Variants in KLHL29 observed in about 807,000 individuals in gnomAD.
KLHL29 encodes kelch-like protein 29.
Under a neutral mutation model 80.4 loss-of-function variants are expected in KLHL29, and 21 were observed. That is an observed-to-expected ratio of 0.26 (90% CI 0.19 to 0.38). KLHL29 has a LOEUF of 0.38. Ranked by LOEUF, KLHL29 falls within the 10% of genes least tolerant of loss-of-function variation. The pLI, the probability that KLHL29 is intolerant of heterozygous loss-of-function variation, is 1.00. For synonymous variants in KLHL29, 511 were observed against 526.8 expected (o/e 0.97, Z 0.41); for missense variants, 867 against 1,223.9 (o/e 0.71, Z 4.35).
At chr2:23,401,630 A>G (rs1029789030) in intron 1 of KLHL29, among the ~76,000 whole-genome samples, 1 of 152,158 alleles carries the variant, frequency 6.6e-6, no homozygotes, top group Non-Finnish European at 1.5e-5. Context: ...GCCCGCTCAC[A>G]TGTAGGCACA....
chr2:23,703,990 CT>C, intron 13 of KLHL29, 127 bp downstream of exon 13: 1 of 1,112,904 alleles, frequency 9.0e-7, no homozygotes, highest in South Asian at 1.6e-5. Context: ...GGCCCTCCCC[CT>C]CCAACCACAG....
chr2:23,469,544 T>C (rs556142292), intron 1 of KLHL29, among the ~76,000 whole-genome samples: 4 of 152,174 alleles, frequency 2.6e-5, no homozygotes, highest in Admixed American at 6.5e-5. Flanking sequence ...GAAGGAATTA[T>C]TGCAATTTAC....
At chr2:23,635,580 C>T (rs1669587121) in intron 3 of KLHL29, among the ~76,000 whole-genome samples, 1 of 152,240 alleles carries the variant, frequency 6.6e-6, no homozygotes, top group South Asian at 2.1e-4. Flanking sequence ...CTGTCAGCTG[C>T]CATAAAACTG....
intron 3 of KLHL29, among the ~76,000 whole-genome samples, chr2:23,571,544 T>A (rs765851857): frequency 3.3e-5 from 5 of 152,124 alleles, no homozygotes; most frequent in Non-Finnish European, 5.9e-5. Flanking sequence ...CTCCCAGTCA[T>A]TAGTTTAGGA....
chr2:23,593,529 C>T (rs1558401264), intron 3 of KLHL29, among the ~76,000 whole-genome samples: 1 of 152,156 alleles, frequency 6.6e-6, no homozygotes, highest in Non-Finnish European at 1.5e-5. Flanking sequence ...CCTTGGACAG[C>T]AGAATGTGTA....
At chr2:23,453,593 G>A (rs1663953130) in intron 1 of KLHL29, among the ~76,000 whole-genome samples, 1 of 152,214 alleles carries the variant, frequency 6.6e-6, no homozygotes, top group Non-Finnish European at 1.5e-5. Context: ...GCCCCAGGAT[G>A]CCCACTGAGC....
chr2:23,646,046 G>A (rs2149160985), intron 5 of KLHL29, among the ~76,000 whole-genome samples: 1 of 139,900 alleles, frequency 7.1e-6, no homozygotes, highest in South Asian at 2.2e-4. Context: ...CAAGCTGTAG[G>A]ATTTTTTTTT....
At chr2:23,470,545 G>T (rs1664469208) in intron 1 of KLHL29, among the ~76,000 whole-genome samples, 1 of 152,218 alleles carries the variant, frequency 6.6e-6, no homozygotes, top group Non-Finnish European at 1.5e-5. Context: ...ACAGGTAAAT[G>T]AGAAAATAAG....
chr2:23,482,820 C>T (rs60450667), intron 2 of KLHL29, among the ~76,000 whole-genome samples: 3,327 of 149,334 alleles, frequency 0.022, 103 homozygotes, highest in African/African-American at 0.071. Flanking sequence ...AGTGTTGCAA[C>T]GCTCACTCAT....
chr2:23,586,163 CTT>C (rs761576281), intron 3 of KLHL29, among the ~76,000 whole-genome samples: 17 of 151,892 alleles, frequency 1.1e-4, no homozygotes, highest in Non-Finnish European at 2.4e-4. Flanking sequence ...GAAAATGCTA[CTT>C]AAAAAAAATT....
chr2:23,438,707 G>T (rs548696289), intron 1 of KLHL29, among the ~76,000 whole-genome samples: 5,137 of 150,502 alleles, frequency 0.034, 110 homozygotes, highest in African/African-American at 0.062. Flanking sequence ...GCTGGATTTG[G>T]TTTGCCAGTA....
chr2:23,640,113 T>A, intron 4 of KLHL29, among the ~76,000 whole-genome samples: 1 of 152,156 alleles, frequency 6.6e-6, no homozygotes, highest in Non-Finnish European at 1.5e-5. Context: ...TTACCCCTGT[T>A]CATGTCCTCA....
rs932096623 is a variant in KLHL29 at position 23,703,685 on chromosome 2, C to T, written c.2300-34C>T. On this transcript the variant is annotated intron_variant, in intron 12 of 13. Coordinates refer to ENST00000486442, the MANE Select transcript of KLHL29 (RefSeq NM_052920.2). ...AAAGGAGAGGGAAGTCCAAGACAAGCTGCCGTGACCTGCCTGCTCTGCTCT... is the reference window on the plus strand; with the variant it reads ...AAAGGAGAGGGAAGTCCAAGACAAGTTGCCGTGACCTGCCTGCTCTGCTCT... 3 of 1,507,312 alleles carry T rather than the reference C, an allele frequency of 2.0e-6. No homozygotes were observed. The East Asian group carries it at 7.4e-5, about 37-fold the overall frequency. The allele number at this position is 1,507,312 out of a possible 1,614,324, so 93.4% of individuals were successfully genotyped here.
At chr2:23,692,644 G>T (rs1327697218) in intron 7 of KLHL29, among the ~76,000 whole-genome samples, 1 of 152,168 alleles carries the variant, frequency 6.6e-6, no homozygotes, top group Admixed American at 6.5e-5. Context: ...ACACGCCTAG[G>T]TTGGAAGAAC....
chr2:23,679,069 A>G (rs1220938414), intron 5 of KLHL29, among the ~76,000 whole-genome samples: 1 of 151,666 alleles, frequency 6.6e-6, no homozygotes, highest in African/African-American at 2.4e-5. Flanking sequence ...AAAAAAAAGA[A>G]TTAGCCTCAA....
intron 5 of KLHL29, among the ~76,000 whole-genome samples, chr2:23,670,479 T>C (rs1317753147): frequency 6.6e-6 from 1 of 151,914 alleles, no homozygotes; most frequent in Non-Finnish European, 1.5e-5. Flanking sequence ...CTTGGCAGGA[T>C]GAGGGGCTGA....
intron 1 of KLHL29, among the ~76,000 whole-genome samples, chr2:23,394,369 T>G (rs749546085): frequency 3.3e-5 from 5 of 152,162 alleles, no homozygotes; most frequent in Non-Finnish European, 2.9e-5. Context: ...GAAGGCACAG[T>G]GGGAAGAGCA....
chr2:23,419,029 T>C lies in KLHL29; in HGVS notation c.-154+33249T>C, dbSNP rs1458662255. ...GTTAGGATTCATTACTGCCTCCAAC[T>C]CCTGCCCCGTCACACGCCCCATTGG... On this transcript the variant is annotated intron_variant, in intron 1 of 13. Transcript: ENST00000486442. Among the ~76,000 whole-genome samples the C allele has an allele frequency of 3.3e-5, 5 of 152,240 alleles. No homozygotes were observed. The Middle Eastern group carries it at 0.01, about 311-fold the overall frequency.
At chr2:23,537,228 G>GCACC (rs1666698399) in intron 2 of KLHL29, among the ~76,000 whole-genome samples, 1 of 152,100 alleles carries the variant, frequency 6.6e-6, no homozygotes, top group South Asian at 2.1e-4. Context: ...ACCCTTCATG[G>GCACC]GCAGTGCTGC....
Sources: gnomAD v4.1 joint callset for allele counts (sites outside exome capture counted in the v4.1 genomes callset) on GRCh38, gnomAD v4.1.1 for gene constraint, MANE v1.5 for transcripts, NCBI Gene and HGNC (gene_info 2026-07-23, HGNC 2026-07-21) for gene names.